Variants in ARHGAP10 observed in about 807,000 individuals in gnomAD.
ARHGAP10 encodes rho GTPase-activating protein 10.
Under a neutral mutation model 108.6 loss-of-function variants are expected in ARHGAP10, and 87 were observed. The observed-to-expected ratio is 0.80, with a 90% confidence interval of 0.67 to 0.96. ARHGAP10 has a LOEUF of 0.96. ARHGAP10 is among the 40% of genes least tolerant of loss of function. The pLI, the probability that ARHGAP10 is intolerant of heterozygous loss-of-function variation, is 0.00. For synonymous variants in ARHGAP10, 347 were observed against 341.1 expected (o/e 1.02, Z -0.19); for missense variants, 939 against 954.5 (o/e 0.98, Z 0.21).
chr4:147,956,544 T>C (rs887170743), intron 16 of ARHGAP10, among the ~76,000 whole-genome samples: 1 of 152,164 alleles, frequency 6.6e-6, no homozygotes, highest in Non-Finnish European at 1.5e-5. Context: ...CGGCAAAAAC[T>C]CAAGTAAATG....
chr4:147,822,962 G>T lies in ARHGAP10; in HGVS notation c.312+5G>T, dbSNP rs1217488157. On this transcript the variant is annotated splice_donor_5th_base_variant and intron_variant, in intron 3 of 22. Coordinates refer to ENST00000336498, the MANE Select transcript of ARHGAP10 (RefSeq NM_024605.4). ...GAGGAACAGAGAGAAATTATGGTGA[G>T]TTGAGAGGGGTGTAAATTAATAAGT... is the stretch of plus-strand genomic sequence containing the variant. The T allele has an allele frequency of 6.2e-7, 1 of 1,610,670 alleles. No homozygotes were observed. The highest frequency in any genetic ancestry group is 2.2e-5 in the East Asian group (1 of 44,874).
At chr4:147,813,972 T>C (rs1732132648) in intron 1 of ARHGAP10, among the ~76,000 whole-genome samples, 2 of 152,236 alleles carry the variant, frequency 1.3e-5, no homozygotes, top group Non-Finnish European at 1.5e-5. Flanking sequence ...TATTCCATGC[T>C]GTGTTTTCCT....
intron 1 of ARHGAP10, among the ~76,000 whole-genome samples, chr4:147,798,750 T>C (rs1194890117): frequency 5.8e-4 from 6 of 10,396 alleles, no homozygotes; most frequent in African/African-American, 8.4e-4. Context: ...TCTCTCTCTC[T>C]CTCTCTCTCT....
intron 3 of ARHGAP10, among the ~76,000 whole-genome samples, chr4:147,838,483 A>G (rs978757548): frequency 2.2e-5 from 2 of 89,626 alleles, no homozygotes; most frequent in African/African-American, 6.3e-5. Flanking sequence ...TAAAAAAAAA[A>G]CACACACACA....
At chr4:147,895,786 G>A (rs887031456) in intron 10 of ARHGAP10, among the ~76,000 whole-genome samples, 5 of 151,940 alleles carry the variant, frequency 3.3e-5, no homozygotes, top group Non-Finnish European at 4.4e-5. Context: ...CCTGTAAAAC[G>A]TTTGGCAGAA....
In ARHGAP10 at chr4:147,866,711, G is replaced by A. The variant is rs765059491; in HGVS notation, c.598-1G>A. 5 of 1,611,286 alleles carry A rather than the reference G, an allele frequency of 3.1e-6. No individual in the cohort carries two copies. The highest frequency in any genetic ancestry group is 1.1e-5 in the South Asian group (1 of 90,640). On this transcript the variant is annotated splice_acceptor_variant, in intron 6 of 22. Coordinates refer to ENST00000336498, the MANE Select transcript of ARHGAP10 (RefSeq NM_024605.4). LOFTEE classifies it high-confidence loss of function. ...ATATCTCTTTTCTTCCTGTGTCTTA[G>A]ATGCTGTCATTTTTTCAGGGGATGT...
At chr4:147,866,838 T>G (rs1323833889) in intron 7 of ARHGAP10, 22 bp downstream of exon 7, 1 of 1,539,572 alleles carries the variant, frequency 6.5e-7, no homozygotes, top group Admixed American at 1.8e-5. Flanking sequence ...AAAGCTTTCT[T>G]TATAAAAAGA....
At chr4:147,790,652 A>G (rs1198054039) in intron 1 of ARHGAP10, among the ~76,000 whole-genome samples, 3 of 152,166 alleles carry the variant, frequency 2.0e-5, no homozygotes, top group African/African-American at 4.8e-5. Flanking sequence ...GATAATAAAA[A>G]CCTGAGCTAG....
intron 14 of ARHGAP10, among the ~76,000 whole-genome samples, chr4:147,944,493 G>A (rs904239960): frequency 7.9e-5 from 12 of 152,182 alleles, no homozygotes; most frequent in African/African-American, 2.9e-4. Flanking sequence ...TCTTCAGAAA[G>A]TTTCAGCCCA....
At chr4:147,766,434 GA>G (rs1729815276) in intron 1 of ARHGAP10, among the ~76,000 whole-genome samples, 1 of 151,840 alleles carries the variant, frequency 6.6e-6, no homozygotes, top group African/African-American at 2.4e-5. Context: ...AATATAAGAA[GA>G]AAAAAGTCAG....
intron 10 of ARHGAP10, among the ~76,000 whole-genome samples, chr4:147,893,576 ATATATATT>A (rs778718491): frequency 4.7e-5 from 7 of 147,794 alleles, no homozygotes; most frequent in East Asian, 1.9e-4. Context: ...TATGTATTTC[ATATATATT>A]TATATATTTA....
At chr4:147,856,134 A>C (rs1385501921) in intron 4 of ARHGAP10, among the ~76,000 whole-genome samples, 2 of 152,202 alleles carry the variant, frequency 1.3e-5, no homozygotes, top group Non-Finnish European at 2.9e-5. Flanking sequence ...ATGTTTATTA[A>C]AAATCTGTCA....
intron 8 of ARHGAP10, among the ~76,000 whole-genome samples, chr4:147,875,783 A>T (rs1735033716): frequency 6.6e-6 from 1 of 152,232 alleles, no homozygotes; most frequent in African/African-American, 2.4e-5. Context: ...CTGTCTTAGC[A>T]AATATGCAGT....
chr4:147,820,916 T>A (rs533345916), intron 1 of ARHGAP10, among the ~76,000 whole-genome samples: 1 of 152,212 alleles, frequency 6.6e-6, no homozygotes, highest in East Asian at 1.9e-4. Flanking sequence ...CACAACCAAA[T>A]TTTATTAATT....
intron 1 of ARHGAP10, among the ~76,000 whole-genome samples, chr4:147,785,903 A>G (rs1730871082): frequency 6.6e-6 from 1 of 152,204 alleles, no homozygotes; most frequent in Non-Finnish European, 1.5e-5. Flanking sequence ...CCCTATTTTC[A>G]TAATTTGTCA....
At chr4:147,932,045 C>T (rs1560832213) in intron 13 of ARHGAP10, among the ~76,000 whole-genome samples, 1 of 151,854 alleles carries the variant, frequency 6.6e-6, no homozygotes, top group Non-Finnish European at 1.5e-5. Flanking sequence ...TACATGTGAC[C>T]AACAAACATA....
At chr4:147,882,576 GTAGC>G (rs1162375695) in intron 10 of ARHGAP10, among the ~76,000 whole-genome samples, 2 of 152,190 alleles carry the variant, frequency 1.3e-5, no homozygotes, top group African/African-American at 2.4e-5. Flanking sequence ...GGGGTGATAG[GTAGC>G]TAGCTACTAA....
At chr4:147,953,344 G>A (rs1229046095) in intron 15 of ARHGAP10, among the ~76,000 whole-genome samples, 1 of 151,918 alleles carries the variant, frequency 6.6e-6, no homozygotes, top group African/African-American at 2.4e-5. Context: ...AGAATCAGTA[G>A]TTTTTCTTTC....
At chr4:147,951,616 T>C (rs977782210) in intron 15 of ARHGAP10, among the ~76,000 whole-genome samples, 6 of 152,114 alleles carry the variant, frequency 3.9e-5, no homozygotes, top group African/African-American at 1.2e-4. Flanking sequence ...AATTTTCTTT[T>C]CAAAACATTA....
Sources: gnomAD v4.1 joint callset for allele counts (sites outside exome capture counted in the v4.1 genomes callset) on GRCh38, gnomAD v4.1.1 for gene constraint, MANE v1.5 for transcripts, NCBI Gene and HGNC (gene_info 2026-07-23, HGNC 2026-07-21) for gene names.